Variants in SMIM14 observed in about 807,000 individuals in gnomAD.
SMIM14 encodes small integral membrane protein 14.
Under a neutral mutation model 12.6 loss-of-function variants are expected in SMIM14, and 5 were observed. The observed-to-expected ratio is 0.40, with a 90% CI of 0.21 to 0.83. The LOEUF (loss-of-function observed/expected upper bound fraction) is 0.83, where lower values mean the gene tolerates loss of function less well. Ranked by LOEUF, SMIM14 falls within the 40% of genes least tolerant of loss-of-function variation. The probability of loss-of-function intolerance (pLI) is 0.37; values close to 1 mark genes in which losing one functional copy is unlikely to be tolerated. For synonymous variants in SMIM14, 30 were observed against 40.1 expected (o/e 0.75, Z 0.95); for missense variants, 86 against 119.1 (o/e 0.72, Z 1.29).
At chr4:39,576,612 C>G (rs1713177065) in intron 2 of SMIM14, among the ~76,000 whole-genome samples, 1 of 138,482 alleles carries the variant, frequency 7.2e-6, no homozygotes, top group South Asian at 2.4e-4. Flanking sequence ...GCCTCCAACT[C>G]TAAGACCTAC....
At chr4:39,568,896 C>T (rs1230216858) in intron 3 of SMIM14, among the ~76,000 whole-genome samples, 2 of 152,098 alleles carry the variant, frequency 1.3e-5, no homozygotes, top group African/African-American at 4.8e-5. Context: ...GAAAAACTTG[C>T]CAATATGCCT....
intron 1 of SMIM14, among the ~76,000 whole-genome samples, chr4:39,608,225 C>A (rs1295738883): frequency 6.6e-6 from 1 of 152,188 alleles, no homozygotes; most frequent in Non-Finnish European, 1.5e-5. Context: ...ATAATCCCAG[C>A]ACTTTTGAAG....
At chr4:39,628,090 C>T (rs779945257) in intron 1 of SMIM14, among the ~76,000 whole-genome samples, 3 of 151,840 alleles carry the variant, frequency 2.0e-5, no homozygotes, top group Non-Finnish European at 2.9e-5. Context: ...AGGAGGACTA[C>T]GAGGTCAGGA....
chr4:39,604,688 A>G (rs1031779515), intron 2 of SMIM14, among the ~76,000 whole-genome samples: 1 of 151,768 alleles, frequency 6.6e-6, no homozygotes, highest in East Asian at 1.9e-4. Context: ...TCGGCTCACA[A>G]CAATCTCTGC....
At chr4:39,614,623 CT>C (rs1715155033) in intron 1 of SMIM14, among the ~76,000 whole-genome samples, 1 of 152,116 alleles carries the variant, frequency 6.6e-6, no homozygotes. Context: ...CACCCGGCCC[CT>C]ATGCTACTTT....
In SMIM14 at chr4:39,548,236, A is replaced by G. The variant is rs900450027; in HGVS notation, c.*3890T>C. 10 of 152,024 alleles carry G rather than the reference A, an allele frequency of 6.6e-5. No individual in the cohort carries two copies. The highest frequency in any genetic ancestry group is 2.4e-4 in the African/African-American group (10 of 41,386). 9.4% of individuals were successfully genotyped at this position (152,024 alleles called of 1,614,324 possible). On this transcript the variant is annotated 3_prime_UTR_variant, in exon 5 of 5. Transcript: ENST00000295958. ...AAATCTTTTACTAGAAACAGTTCCA[A>G]TGTTAACTTTTCCCACATGGAAAGC...
intron 1 of SMIM14, among the ~76,000 whole-genome samples, chr4:39,612,283 T>C (rs57105260): frequency 0.054 from 8,149 of 152,014 alleles, 703 homozygotes; most frequent in African/African-American, 0.19. Flanking sequence ...TTAGATGGAG[T>C]TGCACTCGTT....
In SMIM14 at chr4:39,551,362, T is replaced by G. The variant is rs926553533; in HGVS notation, c.*764A>C. ...TAATGTTTTCCTCCTTTCATGAACC[T>G]TGTAAGGCTAGTGTTGAGTGGCTTA... On this transcript the variant is annotated 3_prime_UTR_variant, in exon 5 of 5. Transcript: ENST00000295958. 1 of 152,662 alleles carries G rather than the reference T, an allele frequency of 6.6e-6. No individual in the cohort carries two copies. Among genetic ancestry groups the G allele is most frequent in the African/African-American group, 2.4e-5 (1 of 41,466 alleles). The allele number at this position is 152,662 out of a possible 1,614,324, so 9.5% of individuals were successfully genotyped here. A position where few individuals can be genotyped will look rare whatever the true frequency, so the allele number is the denominator to read the frequency against.
Position 39,587,323 on chromosome 4 carries a change from C to T in SMIM14, c.76-14860G>A, listed in dbSNP as rs572363828. 7.9e-5 allele frequency among the ~76,000 whole-genome samples: 12 copies of T among 151,166 alleles called. 1 individual carries two copies. Among genetic ancestry groups the T allele is most frequent in the Admixed American group, 5.3e-4 (8 of 15,154 alleles). On this transcript the variant is annotated intron_variant, in intron 2 of 4. Coordinates refer to ENST00000295958, the MANE Select transcript of SMIM14 (RefSeq NM_174921.3). Reference sequence around the variant, plus strand: ...CATCCTGGCTAACACAGTGAAACCCCGTCTCTACTAAAAATACAAAAAAAT... The same window carrying T: ...CATCCTGGCTAACACAGTGAAACCCTGTCTCTACTAAAAATACAAAAAAAT...
At chr4:39,561,447 G>C (rs115474460) in intron 3 of SMIM14, among the ~76,000 whole-genome samples, 1,892 of 152,050 alleles carry the variant, frequency 0.012, 29 homozygotes, top group African/African-American at 0.044. Context: ...CTGGCCTCAT[G>C]CAATCCTCCT....
intron 1 of SMIM14, among the ~76,000 whole-genome samples, chr4:39,613,354 C>T (rs780226964): frequency 7.9e-5 from 12 of 152,190 alleles, no homozygotes; most frequent in Admixed American, 7.9e-4. Context: ...ATAGGACATT[C>T]CTCAATAGTG....
chr4:39,603,501 A>G (rs1410052129), intron 2 of SMIM14, among the ~76,000 whole-genome samples: 2 of 151,738 alleles, frequency 1.3e-5, no homozygotes, highest in Non-Finnish European at 2.9e-5. Flanking sequence ...GGAGCTTGCA[A>G]TGAGCCAAGA....
Position 39,559,386 on chromosome 4 carries a change from C to CAA in SMIM14, c.125-2818_125-2817dup, listed in dbSNP as rs33993674. Reference sequence around the variant, plus strand: ...CCTGGGCGAGTGAGCAAGACCCTGTCAAAAAAAAAAAAGAAAAGAAAGGAA... The same window carrying CAA: ...CCTGGGCGAGTGAGCAAGACCCTGTCAAAAAAAAAAAAAAGAAAAGAAAGGAA... On this transcript the variant is annotated intron_variant, in intron 3 of 4. Coordinates refer to ENST00000295958, the MANE Select transcript of SMIM14 (RefSeq NM_174921.3). 1.7e-3 allele frequency among the ~76,000 whole-genome samples: 201 copies of CAA among 121,024 alleles called. 1 individual carries two copies. The highest frequency in any genetic ancestry group is 9.3e-3 in the East Asian group (42 of 4,538). 79.4% of individuals were successfully genotyped at this position (121,024 alleles called of 152,430 possible).
intron 1 of SMIM14, among the ~76,000 whole-genome samples, chr4:39,631,841 C>G (rs1222393921): frequency 1.3e-5 from 2 of 151,532 alleles, no homozygotes; most frequent in African/African-American, 4.9e-5. Flanking sequence ...TGAGTGCAGT[C>G]AGGCATAAAC....
intron 2 of SMIM14, among the ~76,000 whole-genome samples, chr4:39,579,429 A>G (rs1260453234): frequency 6.6e-6 from 1 of 151,960 alleles, no homozygotes; most frequent in Non-Finnish European, 1.5e-5. Flanking sequence ...AAAAAAAGAA[A>G]AAAAAGAAAA....
chr4:39,591,104 T>A (rs1714055004), intron 2 of SMIM14, among the ~76,000 whole-genome samples: 1 of 152,004 alleles, frequency 6.6e-6, no homozygotes, highest in African/African-American at 2.4e-5. Flanking sequence ...TCTATGAACA[T>A]CCTCCCATAG....
intron 4 of SMIM14, 66 bp from the exon 5 acceptor site, chr4:39,552,224 T>C: frequency 7.3e-7 from 1 of 1,376,744 alleles, no homozygotes; most frequent in Non-Finnish European, 9.8e-7. Context: ...TTAAAATTTA[T>C]TACTTTTTTA....
chr4:39,599,331 T>G (rs1438348472), intron 2 of SMIM14, among the ~76,000 whole-genome samples: 4 of 151,798 alleles, frequency 2.6e-5, no homozygotes, highest in Non-Finnish European at 5.9e-5. Context: ...TAAATTTCAT[T>G]TTTTTTTACT....
chr4:39,620,465 G>A, intron 1 of SMIM14, among the ~76,000 whole-genome samples: 1 of 151,982 alleles, frequency 6.6e-6, no homozygotes, highest in South Asian at 2.1e-4. Flanking sequence ...GGGCGAGAGA[G>A]ATAGACTGTA....
Sources: allele counts gnomAD v4.1 joint callset (sites outside exome capture counted in the v4.1 genomes callset), GRCh38; gene constraint gnomAD v4.1.1; transcripts MANE v1.5; gene names NCBI Gene and HGNC (gene_info 2026-07-23, HGNC 2026-07-21).